Variants in PRIMA1 observed in about 807,000 individuals in gnomAD.
PRIMA1 encodes the protein proline-rich membrane anchor 1.
Under a neutral mutation model 17.5 loss-of-function variants are expected in PRIMA1, and 7 were observed. The observed-to-expected ratio is 0.40, with a 90% CI of 0.23 to 0.75. The LOEUF (loss-of-function observed/expected upper bound fraction) is 0.75, where lower values mean the gene tolerates loss of function less well. Ranked by LOEUF, PRIMA1 falls within the 30% of genes least tolerant of loss-of-function variation. The pLI is 0.37. For missense variants in PRIMA1, 200 were observed against 201.8 expected, an observed-to-expected ratio of 0.99 and a Z score of 0.05; for synonymous variants, 97 against 77.9, an observed-to-expected ratio of 1.25 and a Z score of -1.29.
At chr14:93,732,723 G>A (rs370259167) in intron 4 of PRIMA1, among the ~76,000 whole-genome samples, 5 of 152,190 alleles carry the variant, frequency 3.3e-5, no homozygotes, top group African/African-American at 1.2e-4. Context: ...GATCCAGGAT[G>A]GGGACACAAA....
intron 3 of PRIMA1, among the ~76,000 whole-genome samples, chr14:93,778,895 G>A (rs1043360244): frequency 2.0e-5 from 3 of 152,128 alleles, no homozygotes; most frequent in African/African-American, 7.2e-5. Context: ...CCCCTTTAAA[G>A]ATCTGGCCTT....
intron 3 of PRIMA1, among the ~76,000 whole-genome samples, chr14:93,774,083 C>T (rs1172046564): frequency 6.6e-6 from 1 of 151,922 alleles, no homozygotes; most frequent in Admixed American, 6.6e-5. Context: ...CAAAGAGAGA[C>T]TCCGTCTCAA....
chr14:93,784,713 T>C (rs1367234224), intron 2 of PRIMA1, among the ~76,000 whole-genome samples: 2 of 152,130 alleles, frequency 1.3e-5, no homozygotes, highest in African/African-American at 2.4e-5. Flanking sequence ...TAACTTCTCA[T>C]CCTTCATGTC....
intron 3 of PRIMA1, among the ~76,000 whole-genome samples, chr14:93,742,656 G>T (rs567962950): frequency 6.6e-6 from 1 of 152,246 alleles, no homozygotes; most frequent in East Asian, 1.9e-4. Flanking sequence ...AAAGGAATGT[G>T]TGAGGTCAGA....
chr14:93,740,785 A>C (rs913628401), intron 3 of PRIMA1, among the ~76,000 whole-genome samples: 2 of 152,226 alleles, frequency 1.3e-5, no homozygotes, highest in Non-Finnish European at 2.9e-5. Context: ...ATGACAATGA[A>C]CTGGATACTC....
rs745323836 is a variant in PRIMA1 at position 93,779,206 on chromosome 14, G to C, written c.199C>G (p.Pro67Ala). 2 of 1,366,490 alleles carry C rather than the reference G, an allele frequency of 1.5e-6. No homozygotes were observed. Among genetic ancestry groups the C allele is most frequent in the Admixed American group, 3.4e-5 (1 of 29,688 alleles). 84.6% of individuals were successfully genotyped at this position (1,366,490 alleles called of 1,614,324 possible). The change falls in exon 3 of 5, where the codon CCG (proline) becomes GCG (alanine). Residue 67 changes from proline to alanine, a missense_variant. Physicochemically the swap from Pro to Ala is conservative, Grantham distance 27. Transcript: ENST00000393140. The stretch of plus-strand genomic sequence containing the variant: ...GCGGAGAGGAGTCTGGGAGGTGGCG[G>C]GGGTGGGGGCGGCGGGGGCAGCGGG... ...PPPLPPPPPP[P>A]PPPRLLSAPA... is the part of the protein sequence containing the mutation.
chr14:93,764,458 T>C (rs904974607), intron 3 of PRIMA1, among the ~76,000 whole-genome samples: 2 of 151,078 alleles, frequency 1.3e-5, no homozygotes, highest in African/African-American at 4.9e-5. Flanking sequence ...TCCACAGGCA[T>C]CTCAAACTCC....
At chr14:93,755,920 C>T (rs2076287717) in intron 3 of PRIMA1, among the ~76,000 whole-genome samples, 1 of 152,172 alleles carries the variant, frequency 6.6e-6, no homozygotes, top group Non-Finnish European at 1.5e-5. Flanking sequence ...GCAGAGATTA[C>T]TCCAGCGGTT....
At chr14:93,779,449 A>G (rs867262404) in intron 2 of PRIMA1, 138 bp from the exon 3 acceptor site, 1 of 718,062 alleles carries the variant, frequency 1.4e-6, no homozygotes, top group Middle Eastern at 2.4e-4. Context: ...GGAAGAATCA[A>G]CAGAAGTCGG....
chr14:93,779,812 G>GC (rs112717864), intron 2 of PRIMA1, among the ~76,000 whole-genome samples: 67 of 152,186 alleles, frequency 4.4e-4, no homozygotes, highest in African/African-American at 1.6e-3. Flanking sequence ...CTGGGGCAAG[G>GC]CCCCCCTCTC....
intron 3 of PRIMA1, 130 bp from the exon 4 acceptor site, chr14:93,737,500 AC>A: frequency 9.2e-7 from 1 of 1,081,136 alleles, no homozygotes; most frequent in Admixed American, 2.4e-5. Flanking sequence ...CATGGGTGAC[AC>A]CAACAGAGGC....
intron 3 of PRIMA1, among the ~76,000 whole-genome samples, chr14:93,761,162 A>G (rs927513281): frequency 2.0e-5 from 3 of 152,118 alleles, no homozygotes; most frequent in South Asian, 2.1e-4. Context: ...TCTGGCCAAC[A>G]TGGCGAAACC....
intron 3 of PRIMA1, among the ~76,000 whole-genome samples, chr14:93,753,704 C>T (rs998339820): frequency 1.3e-5 from 2 of 152,154 alleles, no homozygotes; most frequent in Non-Finnish European, 1.5e-5. Context: ...GGAGACCCAC[C>T]CTTGCCTAAG....
intron 3 of PRIMA1, among the ~76,000 whole-genome samples, chr14:93,750,477 C>A (rs892631974): frequency 1.3e-5 from 2 of 152,208 alleles, no homozygotes; most frequent in Non-Finnish European, 2.9e-5. Flanking sequence ...TTGTTGTAAT[C>A]ACTTTGCAGA....
At chr14:93,766,307 T>C (rs902780480) in intron 3 of PRIMA1, among the ~76,000 whole-genome samples, 2 of 152,150 alleles carry the variant, frequency 1.3e-5, no homozygotes, top group African/African-American at 4.8e-5. Flanking sequence ...TCCAAAGACC[T>C]GGGTCTGGGT....
At chr14:93,725,590 A>G (rs2076070256) in intron 4 of PRIMA1, among the ~76,000 whole-genome samples, 1 of 152,188 alleles carries the variant, frequency 6.6e-6, no homozygotes, top group Non-Finnish European at 1.5e-5. Flanking sequence ...GGCAAGCTAC[A>G]TAGCCTCTCT....
intron 3 of PRIMA1, among the ~76,000 whole-genome samples, chr14:93,744,688 A>C (rs2076205688): frequency 6.6e-6 from 1 of 152,162 alleles, no homozygotes; most frequent in Admixed American, 6.5e-5. Context: ...CTTCTCTGCC[A>C]GTGGGAATTT....
chr14:93,751,928 T>G, intron 3 of PRIMA1, among the ~76,000 whole-genome samples: 1 of 152,184 alleles, frequency 6.6e-6, no homozygotes, highest in East Asian at 1.9e-4. Context: ...AAGAATTCAG[T>G]TCCTCTGTTG....
intron 2 of PRIMA1, among the ~76,000 whole-genome samples, chr14:93,782,645 A>G (rs992662540): frequency 1.5e-4 from 23 of 152,310 alleles, no homozygotes; most frequent in Admixed American, 7.8e-4. Context: ...AAAAAAATCA[A>G]TGGTTCTCAG....
Sources: allele counts gnomAD v4.1 joint callset (sites outside exome capture counted in the v4.1 genomes callset), GRCh38; gene constraint gnomAD v4.1.1; transcripts MANE v1.5; gene names NCBI Gene and HGNC (gene_info 2026-07-23, HGNC 2026-07-21).